The following FCAMR variants were observed in gnomAD, a reference collection of about 807,000 sequenced individuals.
FCAMR encodes Fc alpha and mu receptor.
In FCAMR, 51 loss-of-function variants were observed where a neutral mutation model predicts 52.2. The observed-to-expected ratio is 0.98, with a 90% CI of 0.78 to 1.23. The LOEUF (loss-of-function observed/expected upper bound fraction) is 1.23, where lower values mean the gene tolerates loss of function less well. FCAMR is among the 50% of genes most tolerant of loss of function. FCAMR has a pLI of 0.00. For missense variants in FCAMR, 719 were observed against 712.6 expected, an observed-to-expected ratio of 1.01 and a Z score of -0.10; for synonymous variants, 282 against 262.0, an observed-to-expected ratio of 1.08 and a Z score of -0.74.
rs142230883 is a variant in FCAMR, at chr1:206,964,130, G to A, written c.314-1579C>T. 7.0e-4 allele frequency among the ~76,000 whole-genome samples: 106 copies of A among 152,334 alleles called. 1 individual carries two copies. The highest frequency in any genetic ancestry group is 2.5e-3 in the African/African-American group (106 of 41,574). On this transcript the variant is annotated intron_variant, in intron 4 of 7. Transcript: ENST00000324852. ...TCTCCTGTCCCCTGGGACAAGTGGAGGGGACCACAACACAGGGACATCTCT... is the reference window on the plus strand; with the variant it reads ...TCTCCTGTCCCCTGGGACAAGTGGAAGGGACCACAACACAGGGACATCTCT...
chr1:206,958,792 A>T, intron 7 of FCAMR, 116 bp from the exon 8 acceptor site: 1 of 1,401,292 alleles, frequency 7.1e-7, no homozygotes, highest in Middle Eastern at 1.8e-4. Context: ...ACACAGAAGC[A>T]ATGGAGCCCT....
Position 206,966,756 on chromosome 1 carries a change from A to G in FCAMR, c.169+296T>C, listed in dbSNP as rs567596504. On this transcript the variant is annotated intron_variant, in intron 3 of 7. Coordinates refer to ENST00000324852, the MANE Select transcript of FCAMR (RefSeq NM_001170631.2). ...AGTTGTTAATCCTTTTTTTGGTATT[A>G]TGATGGAATTTCCATTCATTCATTA... Among the ~76,000 whole-genome samples, 3 of 152,284 alleles carry G rather than the reference A, an allele frequency of 2.0e-5. No homozygotes were observed. The South Asian group carries it at 6.2e-4, about 32-fold the overall frequency.
At position 206,960,579 on chromosome 1, in the gene FCAMR, C is replaced by T; in HGVS notation, c.1297G>A (p.Ala433Thr). Residue 433 changes from alanine to threonine, a missense_variant, in exon 6 of 8, where the codon GCA (alanine) becomes ACA (threonine). By Grantham distance (58) the Ala-to-Thr change is moderately conservative. Transcript: ENST00000324852. ...GCCTCCATGCTGGTCCACACATCTG[C>T]AGCTGGAGTTCCCAAGATCCACACA... ...ADVWILGTPA[A>T]DVWTSMEAAS... 6.4e-7 allele frequency: 1 copy of T among 1,550,766 alleles called. No homozygotes were observed.
At position 206,960,921 on chromosome 1, in the gene FCAMR, T is replaced by C. The variant is rs976986132; in HGVS notation, c.955A>G (p.Met319Val). 7 of 1,552,256 alleles carry C rather than the reference T, an allele frequency of 4.5e-6. No individual in the cohort carries two copies. The East Asian group carries it at 9.8e-5, about 22-fold the overall frequency. ...CAAACACCTTCTGTTGTATTGGACA[T>C]GCTTCTGCTCTTTGAAGGTGGACTC... is the stretch of plus-strand genomic sequence containing the variant. ...PESPPSKSRS[M>V]SNTTEGVWEG... The change falls in exon 6 of 8, where the codon ATG becomes GTG. Residue 319 changes from methionine (M) to valine (V), a missense_variant. Physicochemically the swap from Met to Val is conservative, Grantham distance 21 (BLOSUM62 1). Transcript: ENST00000324852.
chr1:206,965,687 T>A (rs1289238777), intron 4 of FCAMR, 28 bp downstream of exon 4: 1 of 1,533,622 alleles, frequency 6.5e-7, no homozygotes, highest in East Asian at 2.4e-5. Context: ...AGGTCCATGG[T>A]CGAACAAAGG....
intron 3 of FCAMR, among the ~76,000 whole-genome samples, chr1:206,966,532 C>T (rs149132321): frequency 2.0e-5 from 3 of 152,210 alleles, no homozygotes; most frequent in Admixed American, 6.5e-5. Flanking sequence ...ACTACAGGTG[C>T]GTGCCACCAG....
chr1:206,962,127 C>T, intron 5 of FCAMR, 86 bp downstream of exon 5: 1 of 1,364,756 alleles, frequency 7.3e-7, no homozygotes, highest in Non-Finnish European at 1.0e-6. Flanking sequence ...GTTTCAAGCC[C>T]TTCTGGGTCT....
At chr1:206,964,042 C>T (rs1680612496) in intron 4 of FCAMR, among the ~76,000 whole-genome samples, 1 of 152,136 alleles carries the variant, frequency 6.6e-6, no homozygotes, top group African/African-American at 2.4e-5. Context: ...AAAGGGCATG[C>T]TTGTTGAGTG....
chr1:206,960,124 A>G (rs1558022880), intron 6 of FCAMR: 3 of 499,882 alleles, frequency 6.0e-6, no homozygotes, highest in Non-Finnish European at 1.1e-5. Context: ...GCTTCAGTGC[A>G]TCACCCCCTC....
chr1:206,960,532 A>G lies in FCAMR; in HGVS notation c.1344T>C (p.Ala448=). Residue 448 remains alanine (A), a synonymous_variant, in exon 6 of 8, where the codon GCT becomes GCC. Coordinates refer to ENST00000324852, the MANE Select transcript of FCAMR (RefSeq NM_001170631.2). ...SMEAASGEGS[A]AGDLDAATGD... is the part of the protein sequence containing the mutation. ...CAGTGGCAGCATCTAGGTCCCCTGC[A>G]GCGCTTCCTTCCCCAGATGCTGCCT... The G allele has an allele frequency of 1.3e-6, 2 of 1,551,682 alleles. No homozygotes were observed. The highest frequency in any genetic ancestry group is 1.7e-6 in the Non-Finnish European group (2 of 1,146,968).
intron 1 of FCAMR, 56 bp from the exon 2 acceptor site, chr1:206,967,707 G>C: frequency 2.0e-6 from 3 of 1,503,818 alleles, no homozygotes; most frequent in Non-Finnish European, 1.9e-6. Flanking sequence ...TTCACTGTTA[G>C]TATGCCTCGG....
Position 206,958,658 on chromosome 1 carries a change from A to T in FCAMR, c.1592T>A (p.Val531Asp). 1 of 1,613,590 alleles carries T rather than the reference A, an allele frequency of 6.2e-7. No homozygotes were observed. Among genetic ancestry groups the T allele is most frequent in the Non-Finnish European group, 8.5e-7 (1 of 1,179,920 alleles). ...AAAATGTGTCATCTGAATTAAGGTG[A>T]CCCTTTCTGCCTCCTGAGCTGCAGA... ...RRRTSQEAER[V>D]TLIQMTHFLE... The change falls in exon 8 of 8, where the codon GTC becomes GAC. Residue 531 changes from valine to aspartate, a missense_variant. Physicochemically the swap from Val to Asp is radical, Grantham distance 152. Transcript: ENST00000324852.
At position 206,958,542 on chromosome 1, in the gene FCAMR, C is replaced by T; in HGVS notation, c.1708G>A (p.Ala570Thr). The T allele has an allele frequency of 1.2e-6, 2 of 1,612,742 alleles. No individual in the cohort carries two copies. The highest frequency in any genetic ancestry group is 1.7e-6 in the Non-Finnish European group (2 of 1,179,794). Residue 570 changes from alanine (A) to threonine (T), a missense_variant, in exon 8 of 8, where the codon GCC becomes ACC. Coordinates refer to ENST00000324852, the MANE Select transcript of FCAMR (RefSeq NM_001170631.2). ...DSLPAGASLT[A>T]PERNPGP ...CAGGGTCCTGGATTTCTCTCTGGGG[C>T]AGTCAGGCTGGCCCCAGCAGGAAGA... is the stretch of plus-strand genomic sequence containing the variant.
intron 1 of FCAMR, among the ~76,000 whole-genome samples, chr1:206,968,199 C>A (rs1169472425): frequency 6.6e-6 from 1 of 152,158 alleles, no homozygotes; most frequent in Admixed American, 6.5e-5. Flanking sequence ...ATTAGCCTGA[C>A]GTGGTGGCAC....
chr1:206,960,455 C>T lies in FCAMR; in HGVS notation c.1421G>A (p.Trp474Ter), dbSNP rs1181170545. ...GGAGGACTCCTTGCCAGGGGGTCCC[C>T]AGGGTCCTACTGCCGGGGTCTGGCT... ...TLSQTPAVGP[W>*]GPPGKESSVK... is the part of the protein sequence containing the mutation. The change falls in exon 6 of 8, where the codon TGG (tryptophan) becomes TAG (stop). Residue 474 changes from tryptophan to a stop codon, truncating the protein, a stop_gained. Transcript: ENST00000324852. LOFTEE classifies it high-confidence loss of function. 1.1e-5 allele frequency: 17 copies of T among 1,524,180 alleles called. No homozygotes were observed. Among genetic ancestry groups the T allele is most frequent in the Non-Finnish European group, 1.4e-5 (16 of 1,134,398 alleles). 94.4% of individuals were successfully genotyped at this position (1,524,180 alleles called of 1,614,324 possible). A position where few individuals can be genotyped will look rare whatever the true frequency, so the allele number is the denominator to read the frequency against.
intron 3 of FCAMR, 171 bp from the exon 4 acceptor site, chr1:206,966,029 T>A: frequency 1.2e-6 from 1 of 826,334 alleles, no homozygotes; most frequent in Non-Finnish European, 1.9e-6. Context: ...CTCCCACTGC[T>A]ACCACCTTGC....
chr1:206,958,316 C>T lies in FCAMR; in HGVS notation c.*200G>A. The T allele has an allele frequency of 6.8e-6, 4 of 589,288 alleles. No individual in the cohort carries two copies. Among genetic ancestry groups the T allele is most frequent in the South Asian group, 4.7e-5 (2 of 42,628 alleles). 36.5% of individuals were successfully genotyped at this position (589,288 alleles called of 1,614,324 possible). A position where few individuals can be genotyped will look rare whatever the true frequency, so the allele number is the denominator to read the frequency against. On this transcript the variant is annotated 3_prime_UTR_variant, in exon 8 of 8. Coordinates refer to ENST00000324852, the MANE Select transcript of FCAMR (RefSeq NM_001170631.2). ...GTTCTTGAAGTCTCCTTTGAGTCAT[C>T]TTGTCACCTTTGGACGTGGATAATG...
At chr1:206,969,978 C>T in intron 1 of FCAMR, 109 bp downstream of exon 1, 4 of 1,384,500 alleles carry the variant, frequency 2.9e-6, no homozygotes, top group Non-Finnish European at 4.1e-6. Context: ...GGAAGGAGCC[C>T]ACCTGCTCTG....
chr1:206,960,345 G>A, intron 6 of FCAMR, 77 bp downstream of exon 6: 1 of 1,370,668 alleles, frequency 7.3e-7, no homozygotes, highest in Non-Finnish European at 9.7e-7. Context: ...GTGAGCAGAG[G>A]GAGAGGGGCC....
Sources: gnomAD v4.1 joint callset for allele counts (sites outside exome capture counted in the v4.1 genomes callset) on GRCh38, gnomAD v4.1.1 for gene constraint, MANE v1.5 for transcripts, NCBI Gene and HGNC (gene_info 2026-07-23, HGNC 2026-07-21) for gene names.